Variants in CDH18 observed in about 807,000 individuals in gnomAD.
The protein encoded by CDH18 is cadherin-18.
Under a neutral mutation model 67.9 loss-of-function variants are expected in CDH18, and 31 were observed. The observed-to-expected ratio is 0.46, with a 90% CI of 0.34 to 0.62. The LOEUF is 0.62. CDH18 is among the 20% of genes least tolerant of loss of function. The pLI, the probability that CDH18 is intolerant of heterozygous loss-of-function variation, is 0.01. For synonymous variants in CDH18, 362 were observed against 347.2 expected (o/e 1.04, Z -0.48); for missense variants, 890 against 975.5 (o/e 0.91, Z 1.17).
intron 1 of CDH18, among the ~76,000 whole-genome samples, chr5:20,278,585 C>A (rs527871338): frequency 9.5e-4 from 144 of 152,100 alleles, no homozygotes; most frequent in African/African-American, 3.3e-3. Context: ...CTTGTGATAG[C>A]AAGTACATAG....
intron 5 of CDH18, among the ~76,000 whole-genome samples, chr5:19,632,220 T>C (rs943851043): frequency 2.6e-5 from 4 of 152,238 alleles, no homozygotes; most frequent in Non-Finnish European, 4.4e-5. Context: ...AGCAGACATA[T>C]AAGTCTGAAA....
intron 11 of CDH18, among the ~76,000 whole-genome samples, chr5:19,494,077 C>T (rs948536664): frequency 6.6e-6 from 1 of 152,120 alleles, no homozygotes; most frequent in Non-Finnish European, 1.5e-5. Context: ...TATTTTGACA[C>T]TATCTACTAC....
chr5:20,573,049 T>A (rs1049040383), intron 1 of CDH18, among the ~76,000 whole-genome samples: 8 of 152,130 alleles, frequency 5.3e-5, no homozygotes, highest in African/African-American at 1.9e-4. Context: ...AAGTGTTTTT[T>A]AAAAACACTT....
At chr5:19,507,885 C>G (rs1744465120) in intron 10 of CDH18, among the ~76,000 whole-genome samples, 1 of 151,854 alleles carries the variant, frequency 6.6e-6, no homozygotes, top group African/African-American at 2.4e-5. Context: ...TGCACATGTA[C>G]CCTAGAACTT....
At chr5:19,747,610 T>C (rs1327800445) in intron 3 of CDH18, among the ~76,000 whole-genome samples, 1 of 152,116 alleles carries the variant, frequency 6.6e-6, no homozygotes, top group Admixed American at 6.5e-5. Flanking sequence ...ATAATATATT[T>C]GGTTTTAATT....
chr5:20,186,830 G>T (rs1472440195), intron 2 of CDH18, among the ~76,000 whole-genome samples: 1 of 151,840 alleles, frequency 6.6e-6, no homozygotes, highest in African/African-American at 2.4e-5. Context: ...TACTTAAACA[G>T]ATATTTGTAA....
At chr5:20,117,550 A>C (rs1360525734) in intron 2 of CDH18, among the ~76,000 whole-genome samples, 2 of 152,214 alleles carry the variant, frequency 1.3e-5, no homozygotes, top group Non-Finnish European at 1.5e-5. Flanking sequence ...ATTAAGTAAT[A>C]AGTAGGATGT....
chr5:20,532,299 A>G (rs1338105857), intron 1 of CDH18, among the ~76,000 whole-genome samples: 1 of 152,092 alleles, frequency 6.6e-6, no homozygotes, highest in African/African-American at 2.4e-5. Flanking sequence ...CATTGTATTT[A>G]TACCCATATT....
At chr5:19,977,279 A>G (rs1435129682) in intron 2 of CDH18, among the ~76,000 whole-genome samples, 1 of 152,198 alleles carries the variant, frequency 6.6e-6, no homozygotes, top group Non-Finnish European at 1.5e-5. Flanking sequence ...GAAGCAGATC[A>G]GATGCTGATG....
chr5:20,095,392 G>GAAGAAAGAAAGAAAGAAAGAAAGA (rs746033336), intron 2 of CDH18, among the ~76,000 whole-genome samples: 2 of 64,126 alleles, frequency 3.1e-5, no homozygotes, highest in Admixed American at 2.2e-4. Context: ...AAGAGAAACA[G>GAAGAAAGAAAGAAAGAAAGAAAGA]AAGAAAGAAA....
At chr5:19,781,592 T>C (rs1775120869) in intron 3 of CDH18, among the ~76,000 whole-genome samples, 1 of 152,156 alleles carries the variant, frequency 6.6e-6, no homozygotes. Flanking sequence ...TATAAAACTA[T>C]ATTTTACTGA....
At chr5:19,921,995 T>C (rs1157855811) in intron 2 of CDH18, among the ~76,000 whole-genome samples, 1 of 152,154 alleles carries the variant, frequency 6.6e-6, no homozygotes, top group African/African-American at 2.4e-5. Flanking sequence ...ACACGTCTCT[T>C]TGGTTTTACT....
chr5:19,998,322 G>T (rs933643782), intron 2 of CDH18, among the ~76,000 whole-genome samples: 1 of 152,140 alleles, frequency 6.6e-6, no homozygotes, highest in African/African-American at 2.4e-5. Context: ...ATTAAAATAG[G>T]ATGACTTTGG....
intron 2 of CDH18, among the ~76,000 whole-genome samples, chr5:20,195,948 G>A (rs1230543365): frequency 6.6e-6 from 1 of 152,092 alleles, no homozygotes; most frequent in Admixed American, 6.5e-5. Flanking sequence ...TCAAAAGTAA[G>A]TTAGAACCAG....
chr5:19,691,523 G>T (rs535082518), intron 5 of CDH18, among the ~76,000 whole-genome samples: 1 of 151,844 alleles, frequency 6.6e-6, no homozygotes, highest in Admixed American at 6.6e-5. Context: ...ACTTAGGCCA[G>T]ATTAAAAAAA....
chr5:19,679,655 G>C (rs969015141), intron 5 of CDH18, among the ~76,000 whole-genome samples: 1 of 151,814 alleles, frequency 6.6e-6, no homozygotes, highest in Non-Finnish European at 1.5e-5. Flanking sequence ...TTATGTTGAA[G>C]CTGAGAGCCA....
intron 5 of CDH18, among the ~76,000 whole-genome samples, chr5:19,665,159 T>G (rs1193016541): frequency 6.6e-6 from 1 of 151,994 alleles, no homozygotes; most frequent in East Asian, 1.9e-4. Flanking sequence ...TTACTATATA[T>G]TTAACATTAT....
intron 1 of CDH18, among the ~76,000 whole-genome samples, chr5:20,522,824 C>T (rs541915266): frequency 1.1e-3 from 162 of 152,196 alleles, no homozygotes; most frequent in African/African-American, 3.4e-3. Context: ...CTAATTTATG[C>T]GCACGCACTT....
chr5:20,489,702 T>C (rs73764423), intron 1 of CDH18, among the ~76,000 whole-genome samples: 5,871 of 152,102 alleles, frequency 0.039, 368 homozygotes, highest in African/African-American at 0.13. Context: ...AAGAAAATCA[T>C]AATCTTTTTC....
Sources: gnomAD v4.1 joint callset for allele counts (sites outside exome capture counted in the v4.1 genomes callset) on GRCh38, gnomAD v4.1.1 for gene constraint, MANE v1.5 for transcripts, NCBI Gene and HGNC (gene_info 2026-07-23, HGNC 2026-07-21) for gene names.